IPO11: variants seen among roughly 807,000 people sequenced by gnomAD.
IPO11 encodes importin-11.
Under a neutral mutation model 143.2 loss-of-function variants are expected in IPO11, and 66 were observed. The observed-to-expected ratio is 0.46, with a 90% confidence interval of 0.38 to 0.57. IPO11 has a LOEUF of 0.57. Among genes scored for constraint, IPO11 ranks in the 20% least tolerant of loss-of-function variants. The pLI is 0.00. For missense variants in IPO11, 1,026 were observed against 1,141.0 expected (o/e 0.90, Z 1.45); for synonymous variants, 385 against 377.8 (o/e 1.02, Z -0.22).
At chr5:62,455,544 T>C (rs1580198943) in intron 5 of IPO11, among the ~76,000 whole-genome samples, 1 of 151,994 alleles carries the variant, frequency 6.6e-6, no homozygotes, top group Non-Finnish European at 1.5e-5. Flanking sequence ...AATATTAAGC[T>C]CATGGTTGAG....
At chr5:62,520,022 C>G (rs963821488) in intron 20 of IPO11, among the ~76,000 whole-genome samples, 1 of 152,136 alleles carries the variant, frequency 6.6e-6, no homozygotes, top group African/African-American at 2.4e-5. Context: ...TCAGATCCCC[C>G]GAGGGTTTTA....
rs751468799 is a variant in IPO11 at position 62,489,322 on chromosome 5, A to G, written c.1330A>G (p.Met444Val). 2.6e-6 allele frequency: 4 copies of G among 1,565,860 alleles called. No homozygotes were observed. In the East Asian group the frequency reaches 6.9e-5, roughly 27 times the overall value. Residue 444 changes from methionine (M) to valine (V), a missense_variant, in exon 14 of 30, where the codon ATG becomes GTG. This residue lies in a region of IPO11 where 237 missense variants were observed against 288.0 expected (regional missense o/e 0.82). Coordinates refer to ENST00000325324, the MANE Select transcript of IPO11 (RefSeq NM_016338.5). Reference protein sequence around the residue: ...TLQGPTNVEDMNALLIKDAVY... With the variant: ...TLQGPTNVEDVNALLIKDAVY... ...TTTAGGACCCACAAATGTGGAAGAT[A>G]TGAATGCACTGTTAATCAAAGATGC...
Position 62,515,440 on chromosome 5 carries a change from A to T in IPO11, c.1835A>T (p.Gln612Leu), listed in dbSNP as rs1313467118. The T allele has an allele frequency of 6.2e-7, 1 of 1,611,550 alleles. No homozygotes were observed. Reference protein sequence around the residue: ...LVQYLPLLWKQSEEHNMLRCA... With the variant: ...LVQYLPLLWKLSEEHNMLRCA... ...CAATATTTGCCCCTCCTTTGGAAGC[A>T]GAGTGAAGAACACAATATGTTGAGA... The change falls in exon 20 of 30, where the codon CAG (glutamine) becomes CTG (leucine). Residue 612 changes from glutamine to leucine, a missense_variant. Transcript: ENST00000325324.
In IPO11 at chr5:62,471,289, C is replaced by T. The variant is rs12109491; in HGVS notation, c.708+981C>T. ...GAGGAAAAAACAAATCTAATTGGGT[C>T]TTTGGGTCTCCCCTACTAGATTTGA... is the stretch of plus-strand genomic sequence containing the variant. On this transcript the variant is annotated intron_variant, in intron 7 of 29. Transcript: ENST00000325324. 7.3e-3 allele frequency among the ~76,000 whole-genome samples: 1,105 copies of T among 151,494 alleles called. 14 individuals are homozygous for T. The highest frequency in any genetic ancestry group is 0.025 in the African/African-American group (1,040 of 41,284).
chr5:62,500,095 G>C (rs1202961019), intron 16 of IPO11, among the ~76,000 whole-genome samples: 1 of 152,102 alleles, frequency 6.6e-6, no homozygotes, highest in Non-Finnish European at 1.5e-5. Context: ...TACCAGTTTG[G>C]GCAACATGAT....
intron 28 of IPO11, among the ~76,000 whole-genome samples, chr5:62,598,464 C>CTT (rs1745339796): frequency 1.2e-3 from 4 of 3,220 alleles, no homozygotes; most frequent in African/African-American, 4.6e-3. Flanking sequence ...CTCTCTCTCT[C>CTT]TCTCTCTCTC....
intron 29 of IPO11, among the ~76,000 whole-genome samples, chr5:62,606,810 A>G (rs1419421375): frequency 6.6e-6 from 1 of 152,264 alleles, no homozygotes; most frequent in Admixed American, 6.5e-5. Context: ...TTTTAATGCA[A>G]TCAAGTATGT....
intron 22 of IPO11, among the ~76,000 whole-genome samples, chr5:62,533,205 T>C (rs1480421968): frequency 8.3e-6 from 1 of 120,550 alleles, no homozygotes; most frequent in Non-Finnish European, 1.7e-5. Context: ...ATATTCTTTC[T>C]TTCTTTCTTC....
At chr5:62,459,695 C>T (rs1218205771) in intron 5 of IPO11, among the ~76,000 whole-genome samples, 1 of 151,994 alleles carries the variant, frequency 6.6e-6, no homozygotes, top group African/African-American at 2.4e-5. Flanking sequence ...GGACTACAGG[C>T]GTGTGCCACC....
chr5:62,513,765 G>A (rs1232907904), intron 19 of IPO11, among the ~76,000 whole-genome samples: 1 of 151,452 alleles, frequency 6.6e-6, no homozygotes, highest in Non-Finnish European at 1.5e-5. Context: ...CGGGGTGGCT[G>A]CCAGGCGGAG....
At chr5:62,581,193 T>C (rs1246572682) in intron 27 of IPO11, 1 of 1,551,066 alleles carries the variant, frequency 6.4e-7, no homozygotes, top group Admixed American at 2.0e-5. Flanking sequence ...CCTCAATTTG[T>C]AACACTTCCC....
intron 29 of IPO11, among the ~76,000 whole-genome samples, chr5:62,622,120 C>G (rs533338377): frequency 1.6e-4 from 25 of 152,016 alleles, no homozygotes; most frequent in South Asian, 4.2e-4. Flanking sequence ...TATGGAAATA[C>G]CTGTAGATGT....
chr5:62,593,057 TGAG>T (rs1745089995), intron 28 of IPO11, among the ~76,000 whole-genome samples: 1 of 152,188 alleles, frequency 6.6e-6, no homozygotes, highest in Non-Finnish European at 1.5e-5. Flanking sequence ...ACAGTTTAGT[TGAG>T]GGGAGGACAT....
intron 16 of IPO11, among the ~76,000 whole-genome samples, chr5:62,499,714 G>T (rs573358542): frequency 6.6e-6 from 1 of 151,034 alleles, no homozygotes; most frequent in Non-Finnish European, 1.5e-5. Flanking sequence ...TGACTCCTTT[G>T]TAATAGCACT....
rs200283687 is a variant in IPO11, at chr5:62,550,379, G to T, written c.2263G>T (p.Ala755Ser). ...QVQVLKVVEN[A>S]LKVNPILGPQ... is the part of the protein sequence containing the mutation. ...TTCTGGTTTTTAGGTTGTGGAAAAT[G>T]CCCTTAAAGTGAACCCAATACTAGG... is the stretch of plus-strand genomic sequence containing the variant. The change falls in exon 25 of 30, where the codon GCC (alanine) becomes TCC (serine). Residue 755 changes from alanine (A) to serine (S), a missense_variant. Ala to Ser is a moderately conservative substitution (Grantham distance 99). Around this residue, in one of 5 missense-constraint regions of IPO11, gnomAD observed 351 missense variants for 358.9 expected, o/e 0.98. Coordinates refer to ENST00000325324, the MANE Select transcript of IPO11 (RefSeq NM_016338.5). 4.7e-5 allele frequency: 75 copies of T among 1,611,246 alleles called. No individual in the cohort carries two copies. The highest frequency in any genetic ancestry group is 6.2e-5 in the Non-Finnish European group (73 of 1,178,060).
chr5:62,426,795 A>T (rs1207347245), intron 1 of IPO11, among the ~76,000 whole-genome samples: 4 of 148,618 alleles, frequency 2.7e-5, no homozygotes, highest in Admixed American at 6.7e-5. Flanking sequence ...TTATATATAT[A>T]TTTTATATTT....
chr5:62,508,162 TC>T (rs1030879809), intron 19 of IPO11, among the ~76,000 whole-genome samples: 59 of 152,112 alleles, frequency 3.9e-4, no homozygotes, highest in African/African-American at 1.3e-3. Context: ...AGTCTTGCTC[TC>T]CCCCCCGGGC....
At chr5:62,504,734 C>A in intron 17 of IPO11, 34 bp downstream of exon 17, 1 of 1,433,508 alleles carries the variant, frequency 7.0e-7, no homozygotes. Flanking sequence ...TACTTCATTG[C>A]AAAGAACTTT....
intron 15 of IPO11, among the ~76,000 whole-genome samples, chr5:62,493,689 C>T (rs1741026200): frequency 6.6e-6 from 1 of 151,830 alleles, no homozygotes; most frequent in South Asian, 2.1e-4. Flanking sequence ...ATGCCTCAGA[C>T]TTCCAAGAAG....
Sources: allele counts gnomAD v4.1 joint callset (sites outside exome capture counted in the v4.1 genomes callset), GRCh38; gene constraint gnomAD v4.1.1; regional missense constraint gnomAD v4.1.1; transcripts MANE v1.5; gene names NCBI Gene and HGNC (gene_info 2026-07-23, HGNC 2026-07-21).